GPR135: variants seen among roughly 807,000 people sequenced by gnomAD.
GPR135 encodes the protein G protein-coupled receptor 135, also known as G-protein coupled receptor 135.
A neutral mutation model predicts 15.0 loss-of-function variants in GPR135; 17 were observed. That is an observed-to-expected ratio of 1.13 (90% CI 0.78 to 1.70). The LOEUF (loss-of-function observed/expected upper bound fraction) is 1.70, where lower values mean the gene tolerates loss of function less well. GPR135 is among the 40% of genes most tolerant of loss of function. GPR135 has a pLI of 0.00. For missense variants in GPR135, 776 were observed against 727.0 expected (o/e 1.07, Z -0.78); for synonymous variants, 368 against 349.4 (o/e 1.05, Z -0.59).
chr14:59,454,839 C>T (rs1157812848), intron 6 of GPR135, among the ~76,000 whole-genome samples: 2 of 152,122 alleles, frequency 1.3e-5, no homozygotes, highest in Non-Finnish European at 2.9e-5. Flanking sequence ...CGGTGGCTCA[C>T]ACCTGTAATC....
Position 59,463,448 on chromosome 14 carries a change from TA to T in GPR135, c.*293del. The T allele has an allele frequency of 2.5e-6, 1 of 403,246 alleles. No individual in the cohort carries two copies. The highest frequency in any genetic ancestry group is 4.1e-5 in the South Asian group (1 of 24,358). The allele number at this position is 403,246 out of a possible 1,614,324, so 25.0% of individuals were successfully genotyped here. On this transcript the variant is annotated 3_prime_UTR_variant, in exon 1 of 1. Coordinates refer to ENST00000395116, the MANE Select transcript of GPR135 (RefSeq NM_022571.6). ...TTGTTTGTTTCACAGTGTGGTCCTATAATATGAGCTTTTCAGTTATAGTGAA... is the reference window on the plus strand; with the variant it reads ...TTGTTTGTTTCACAGTGTGGTCCTATATATGAGCTTTTCAGTTATAGTGAA...
downstream of GPR135, among the ~76,000 whole-genome samples, chr14:59,458,074 T>C (rs1004214103): frequency 6.6e-6 from 1 of 152,190 alleles, no homozygotes; most frequent in Non-Finnish European, 1.5e-5. Context: ...TACTGGACTA[T>C]TTTGGGGTAG....
At position 59,465,332 on chromosome 14, in the gene GPR135, T is replaced by A; in HGVS notation, c.-106A>T. On this transcript the variant is annotated 5_prime_UTR_variant, in exon 1 of 1. Coordinates refer to ENST00000395116, the MANE Select transcript of GPR135 (RefSeq NM_022571.6). ...GGGGCTAGCGGCCGCCGCGGGGAGCTGGGCTCGGCCGGAGGGGTGGCGGTC... is the reference window on the plus strand; with the variant it reads ...GGGGCTAGCGGCCGCCGCGGGGAGCAGGGCTCGGCCGGAGGGGTGGCGGTC... The A allele has an allele frequency of 3.4e-6, 3 of 888,040 alleles. No homozygotes were observed. Among genetic ancestry groups the A allele is most frequent in the Non-Finnish European group, 4.4e-6 (3 of 680,188 alleles). The allele number at this position is 888,040 out of a possible 1,614,324, so 55.0% of individuals were successfully genotyped here.
Position 59,463,759 on chromosome 14 carries a change from C to T in GPR135, c.1468G>A (p.Gly490Arg). Reference sequence around the variant, plus strand: ...CAACCGTCTTAGAGGCTGGTATCCCCAGCTTCGGATTTAGGCTGTTTGGTC... The same window carrying T: ...CAACCGTCTTAGAGGCTGGTATCCCTAGCTTCGGATTTAGGCTGTTTGGTC... ...AVTKQPKSEA[G>R]DTSL is the part of the protein sequence containing the mutation. Residue 490 changes from glycine (G) to arginine (R), a missense_variant, in exon 1 of 1, where the codon GGG becomes AGG. Transcript: ENST00000395116. 2 of 1,600,372 alleles carry T rather than the reference C, an allele frequency of 1.2e-6. No homozygotes were observed. Among genetic ancestry groups the T allele is most frequent in the Non-Finnish European group, 1.7e-6 (2 of 1,171,446 alleles).
At position 59,463,269 on chromosome 14, in the gene GPR135, A is replaced by T. The variant is rs971891553; in HGVS notation, c.*473T>A. On this transcript the variant is annotated 3_prime_UTR_variant, in exon 1 of 1. Coordinates refer to ENST00000395116, the MANE Select transcript of GPR135 (RefSeq NM_022571.6). ...TAAGGATAAGACTTTTCCACTTGCA[A>T]TCTAAGCACCCAAAGCATGTCAGAG... 1 of 157,904 alleles carries T rather than the reference A, an allele frequency of 6.3e-6. No homozygotes were observed. Among genetic ancestry groups the T allele is most frequent in the African/African-American group, 2.4e-5 (1 of 41,522 alleles). The allele number at this position is 157,904 out of a possible 1,614,324, so 9.8% of individuals were successfully genotyped here.
rs536105058 is a variant in GPR135, at chr14:59,465,174, C to G, written c.53G>C (p.Ser18Thr). 4 of 1,317,230 alleles carry G rather than the reference C, an allele frequency of 3.0e-6. No individual in the cohort carries two copies. In the East Asian group the frequency reaches 1.2e-4, roughly 41 times the overall value. 81.6% of individuals were successfully genotyped at this position (1,317,230 alleles called of 1,614,324 possible). A position where few individuals can be genotyped will look rare whatever the true frequency, so the allele number is the denominator to read the frequency against. Residue 18 changes from serine to threonine, a missense_variant, in exon 1 of 1, where the codon AGC becomes ACC. Physicochemically the swap from Ser to Thr is moderately conservative, Grantham distance 58. Coordinates refer to ENST00000395116, the MANE Select transcript of GPR135 (RefSeq NM_022571.6). The part of the protein sequence containing the change: ...RPPASMALLG[S>T]QHSGAPSAAG... ...CGCGGAGGGGGCGCCGGAGTGCTGG[C>G]TGCCCAGTAAGGCCATGCTCGCTGG... is the stretch of plus-strand genomic sequence containing the variant.
At chr14:59,459,510 C>A (rs1041213498), downstream of GPR135, among the ~76,000 whole-genome samples, 2 of 152,164 alleles carry the variant, frequency 1.3e-5, no homozygotes, top group Non-Finnish European at 2.9e-5. Context: ...TTGGCAGATG[C>A]CAGGGTGAAT....
Position 59,463,867 on chromosome 14 carries a change from C to T in GPR135, c.1360G>A (p.Ala454Thr). 1 of 1,614,158 alleles carries T rather than the reference C, an allele frequency of 6.2e-7. No individual in the cohort carries two copies. Among genetic ancestry groups the T allele is most frequent in the Non-Finnish European group, 8.5e-7 (1 of 1,180,008 alleles). ...CGGGCCCACATGGCCACGTCCCCTG[C>T]CACTCCGCTGGCCGGGTTGGAAGAG... The part of the protein sequence containing the change: ...MSSSNPASGV[A>T]GDVAMWARKN... The change falls in exon 1 of 1, where the codon GCA (alanine) becomes ACA (threonine). Residue 454 changes from alanine (A) to threonine (T), a missense_variant. Ala to Thr is a moderately conservative substitution (Grantham distance 58). Transcript: ENST00000395116.
downstream of GPR135, among the ~76,000 whole-genome samples, chr14:59,457,509 A>T: frequency 6.6e-6 from 1 of 152,010 alleles, no homozygotes; most frequent in East Asian, 1.9e-4. Context: ...TTTTTTCTGC[A>T]TTATTTTTCT....
downstream of GPR135, chr14:59,456,658 A>ATTGT (rs1465369685): frequency 1.0e-3 from 156 of 152,296 alleles, no homozygotes; most frequent in African/African-American, 3.7e-3. Context: ...ACACATACAA[A>ATTGT]ATGTTTTATG....
intron 6 of GPR135, among the ~76,000 whole-genome samples, chr14:59,453,318 T>G (rs1359687864): frequency 1.3e-5 from 2 of 152,186 alleles, no homozygotes; most frequent in Non-Finnish European, 2.9e-5. Context: ...GGTGAGGTTT[T>G]GCTTGTGTTG....
Position 59,464,926 on chromosome 14 carries a change from C to T in GPR135, c.301G>A (p.Ala101Thr). ...PEAAPLLSHGAAVAAQALVLL... is the reference protein window; with the variant it reads ...PEAAPLLSHGTAVAAQALVLL... ...ACGAGCGCCTGGGCCGCCACTGCAG[C>T]TCCGTGCGACAGCAGCGGCGCCGCC... Residue 101 changes from alanine to threonine, a missense_variant, in exon 1 of 1, where the codon GCT becomes ACT. Physicochemically the swap from Ala to Thr is moderately conservative, Grantham distance 58 (BLOSUM62 0). Coordinates refer to ENST00000395116, the MANE Select transcript of GPR135 (RefSeq NM_022571.6). 3 of 1,585,238 alleles carry T rather than the reference C, an allele frequency of 1.9e-6. No individual in the cohort carries two copies. Among genetic ancestry groups the T allele is most frequent in the Non-Finnish European group, 2.6e-6 (3 of 1,168,658 alleles).
downstream of GPR135, chr14:59,455,863 C>A (rs373633921): frequency 4.3e-4 from 65 of 152,322 alleles, no homozygotes; most frequent in African/African-American, 1.2e-3. Context: ...AAGTGATCAT[C>A]ATAACACTAT....
downstream of GPR135, among the ~76,000 whole-genome samples, chr14:59,459,200 T>C (rs771086428): frequency 1.3e-5 from 2 of 152,252 alleles, no homozygotes; most frequent in East Asian, 1.9e-4. Flanking sequence ...GAGCTCCTCA[T>C]TGCCATTCCA....
At chr14:59,458,394 G>T (rs897229730), downstream of GPR135, among the ~76,000 whole-genome samples, 1 of 152,148 alleles carries the variant, frequency 6.6e-6, no homozygotes, top group Non-Finnish European at 1.5e-5. Flanking sequence ...TAAACTAGCT[G>T]CCCTGTGGTT....
At chr14:59,452,916 T>C (rs1888536072) in intron 6 of GPR135, among the ~76,000 whole-genome samples, 1 of 152,172 alleles carries the variant, frequency 6.6e-6, no homozygotes, top group African/African-American at 2.4e-5. Context: ...ATGAGCTATT[T>C]AGCCATGAAA....
In GPR135 at chr14:59,464,848, C is replaced by A. The variant is rs1435611770; in HGVS notation, c.379G>T (p.Val127Leu). Reference sequence around the variant, plus strand: ...CGGAGCTGCCGGTGCTTCACAATCACCCCCATCACCGCGCAGTTGCCAAGG... The same window carrying A: ...CGGAGCTGCCGGTGCTTCACAATCAACCCCATCACCGCGCAGTTGCCAAGG... ...SSLGNCAVMG[V>L]IVKHRQLRTV... The change falls in exon 1 of 1, where the codon GTG becomes TTG. Residue 127 changes from valine (V) to leucine (L), a missense_variant. By Grantham distance (32) the Val-to-Leu change is conservative. Transcript: ENST00000395116. 2.9e-5 allele frequency: 46 copies of A among 1,602,370 alleles called. No individual in the cohort carries two copies. The highest frequency in any genetic ancestry group is 3.6e-5 in the Non-Finnish European group (42 of 1,174,914).
Position 59,464,511 on chromosome 14 carries a change from C to G in GPR135, c.716G>C (p.Gly239Ala). Reference sequence around the variant, plus strand: ...GAGCAGCTCCCAGGGCAAGGAGAAGCCCAGGGCCGTCAGCCAGGCGCCCGC... The same window carrying G: ...GAGCAGCTCCCAGGGCAAGGAGAAGGCCAGGGCCGTCAGCCAGGCGCCCGC... ...LLAGAWLTAL[G>A]FSLPWELLGA... The change falls in exon 1 of 1, where the codon GGC becomes GCC. Residue 239 changes from glycine (G) to alanine (A), a missense_variant. Physicochemically the swap from Gly to Ala is moderately conservative, Grantham distance 60. Coordinates refer to ENST00000395116, the MANE Select transcript of GPR135 (RefSeq NM_022571.6). 1 of 1,536,948 alleles carries G rather than the reference C, an allele frequency of 6.5e-7. No homozygotes were observed. Among genetic ancestry groups the G allele is most frequent in the Non-Finnish European group, 8.7e-7 (1 of 1,150,826 alleles).
At chr14:59,456,257 G>A (rs1330434256), downstream of GPR135, among the ~76,000 whole-genome samples, 1 of 152,132 alleles carries the variant, frequency 6.6e-6, no homozygotes, top group South Asian at 2.1e-4. Context: ...GAGTCACTAA[G>A]TACAGCTCAC....
Sources: allele counts gnomAD v4.1 joint callset (sites outside exome capture counted in the v4.1 genomes callset), GRCh38; gene constraint gnomAD v4.1.1; transcripts MANE v1.5; gene names NCBI Gene and HGNC (gene_info 2026-07-23, HGNC 2026-07-21).